TUSC3: variants seen among roughly 807,000 people sequenced by gnomAD.
The protein encoded by TUSC3 is dolichyl-diphosphooligosaccharide--protein glycosyltransferase subunit TUSC3.
Under a neutral mutation model 44.8 loss-of-function variants are expected in TUSC3, and 45 were observed. The observed-to-expected ratio is 1.00, with a 90% confidence interval of 0.79 to 1.29. The LOEUF (loss-of-function observed/expected upper bound fraction) is 1.29. Ranked by LOEUF, TUSC3 falls within the 50% of genes most tolerant of loss-of-function variation. The pLI is 0.00. For synonymous variants in TUSC3, 212 were observed against 152.9 expected, an observed-to-expected ratio of 1.39 and a Z score of -2.85; for missense variants, 519 against 437.9, an observed-to-expected ratio of 1.19 and a Z score of -1.65.
chr8:15,548,286 G>C lies in TUSC3; in HGVS notation c.138+7718G>C, dbSNP rs527746789. On this transcript the variant is annotated intron_variant, in intron 1 of 10. Coordinates refer to ENST00000503731, the MANE Select transcript of TUSC3 (RefSeq NM_006765.4). ...AGTAGATTGGTTTGGTTTAAGTATT[G>C]AGAGAAGCTGGGACACTTGCCAGCC... Among the ~76,000 whole-genome samples the C allele has an allele frequency of 2.0e-5, 3 of 151,962 alleles. No homozygotes were observed. In the South Asian group the frequency reaches 6.3e-4, roughly 32 times the overall value.
In TUSC3 at chr8:15,644,530, C is replaced by G. The variant is rs557008326; in HGVS notation, c.309-6167C>G. Among the ~76,000 whole-genome samples the G allele has an allele frequency of 2.6e-5, 4 of 152,178 alleles. No individual in the cohort carries two copies. In the South Asian group the frequency reaches 8.3e-4, roughly 32 times the overall value. On this transcript the variant is annotated intron_variant, in intron 2 of 10. Transcript: ENST00000503731. Reference sequence around the variant, plus strand: ...GTAATGTCTCATTTTGCTCATCAGTCCAAGCTGACAGAAACATATTCAAGG... The same window carrying G: ...GTAATGTCTCATTTTGCTCATCAGTGCAAGCTGACAGAAACATATTCAAGG...
At chr8:15,629,272 A>G (rs1585170473) in intron 2 of TUSC3, among the ~76,000 whole-genome samples, 1 of 152,064 alleles carries the variant, frequency 6.6e-6, no homozygotes, top group African/African-American at 2.4e-5. Context: ...ATATTATAGG[A>G]TGATATGAAT....
At chr8:15,580,559 T>C in intron 1 of TUSC3, among the ~76,000 whole-genome samples, 1 of 95,280 alleles carries the variant, frequency 1.0e-5, no homozygotes, top group Admixed American at 1.1e-4. Context: ...AAGTATTTTA[T>C]TTCTCCTTCA....
At chr8:15,492,239 G>A (rs551265712) in intron 2 of TUSC3, among the ~76,000 whole-genome samples, 18 of 152,264 alleles carry the variant, frequency 1.2e-4, no homozygotes, top group Non-Finnish European at 2.4e-4. Flanking sequence ...TATGAAGAGC[G>A]ATGGGAGTTA....
intron 1 of TUSC3, among the ~76,000 whole-genome samples, chr8:15,446,886 A>G (rs574991372): frequency 7.9e-6 from 1 of 127,254 alleles, no homozygotes; most frequent in South Asian, 2.8e-4. Flanking sequence ...AACAAAAAGG[A>G]TGAGTAGGTA....
chr8:15,622,918 G>A (rs1251274585), intron 1 of TUSC3, among the ~76,000 whole-genome samples, 162 bp from the exon 2 acceptor site: 1 of 151,918 alleles, frequency 6.6e-6, no homozygotes, highest in Non-Finnish European at 1.5e-5. Flanking sequence ...AAAAATATAT[G>A]TCCTTTCTAT....
rs185409626 is a variant in TUSC3 at position 15,654,916 on chromosome 8, T to C, written c.426+4102T>C. Among the ~76,000 whole-genome samples, 18 of 152,332 alleles carry C rather than the reference T, an allele frequency of 1.2e-4. No homozygotes were observed. In the South Asian group the frequency reaches 1.7e-3, roughly 14 times the overall value. On this transcript the variant is annotated intron_variant, in intron 3 of 10. Transcript: ENST00000503731. ...AAAACCTGAGTTCATCTTCCATCTTTACTTCTTCATTGCTGTGTGACCTTT... is the reference window on the plus strand; with the variant it reads ...AAAACCTGAGTTCATCTTCCATCTTCACTTCTTCATTGCTGTGTGACCTTT...
At chr8:15,655,283 G>T (rs911799942) in intron 3 of TUSC3, among the ~76,000 whole-genome samples, 33 of 152,248 alleles carry the variant, frequency 2.2e-4, no homozygotes, top group Non-Finnish European at 4.6e-4. Context: ...TCAAGCATGC[G>T]CACCAAGAGA....
chr8:15,694,251 T>G (rs1344544197), intron 6 of TUSC3, among the ~76,000 whole-genome samples: 1 of 151,962 alleles, frequency 6.6e-6, no homozygotes, highest in Non-Finnish European at 1.5e-5. Flanking sequence ...CATACCAGCC[T>G]AGCCAACATG....
intron 9 of TUSC3, among the ~76,000 whole-genome samples, chr8:15,752,346 A>C (rs567644391): frequency 1.7e-4 from 26 of 152,110 alleles, no homozygotes; most frequent in Admixed American, 7.2e-4. Context: ...CAGCCTTAAT[A>C]TGTACTACTC....
the TUSC3 span, among the ~76,000 whole-genome samples, chr8:15,824,567 A>G: frequency 6.7e-6 from 1 of 149,950 alleles, no homozygotes; most frequent in Non-Finnish European, 1.5e-5. Context: ...ATGAGAACAC[A>G]TGGACACAGG....
rs1222211512 is a variant in TUSC3 at position 15,558,916 on chromosome 8, G to C, written c.138+18348G>C. Among the ~76,000 whole-genome samples, 6 of 151,478 alleles carry C rather than the reference G, an allele frequency of 4.0e-5. No homozygotes were observed. In the East Asian group the frequency reaches 9.8e-4, roughly 25 times the overall value. Reference sequence around the variant, plus strand: ...CTCTTTTTCTTTATTAGTCTTGCTAGCGGTCTATCAATCTTGTTGGTCCTT... The same window carrying C: ...CTCTTTTTCTTTATTAGTCTTGCTACCGGTCTATCAATCTTGTTGGTCCTT... On this transcript the variant is annotated intron_variant, in intron 1 of 10. Transcript: ENST00000503731.
chr8:15,681,429 A>G (rs547212140), intron 6 of TUSC3, among the ~76,000 whole-genome samples: 1 of 151,890 alleles, frequency 6.6e-6, no homozygotes, highest in African/African-American at 2.4e-5. Context: ...GAATTCATCC[A>G]TTTACTCTAG....
intron 10 of TUSC3, among the ~76,000 whole-genome samples, chr8:15,759,192 GACCTTTTTTCCCGTTTGC>G (rs1563209768): frequency 6.6e-6 from 1 of 152,102 alleles, no homozygotes; most frequent in Admixed American, 6.6e-5. Flanking sequence ...GAACAACCCA[GACCTTTTTTCCCGTTTGC>G]ACCTTTTTTG....
chr8:15,469,349 T>A (rs1800454629), intron 1 of TUSC3, among the ~76,000 whole-genome samples: 1 of 152,170 alleles, frequency 6.6e-6, no homozygotes, highest in Admixed American at 6.5e-5. Context: ...GGGCCGAAGA[T>A]CTGAATGGAC....
In TUSC3 at chr8:15,549,764, T is replaced by A. The variant is rs1801992166; in HGVS notation, c.138+9196T>A. On this transcript the variant is annotated intron_variant, in intron 1 of 10. Coordinates refer to ENST00000503731, the MANE Select transcript of TUSC3 (RefSeq NM_006765.4). Reference sequence around the variant, plus strand: ...GTGGTTGTGCTGTTTTTTGCCATTGTTTCCTGTACATTTTTCCTCTTGAAG... The same window carrying A: ...GTGGTTGTGCTGTTTTTTGCCATTGATTCCTGTACATTTTTCCTCTTGAAG... 2.0e-5 allele frequency among the ~76,000 whole-genome samples: 3 copies of A among 151,586 alleles called. No individual in the cohort carries two copies. In the South Asian group the frequency reaches 6.3e-4, roughly 32 times the overall value.
chr8:15,460,373 T>G lies in TUSC3; in HGVS notation n.92-23013T>G, dbSNP rs1000155158. Among the ~76,000 whole-genome samples the G allele has an allele frequency of 3.9e-5, 6 of 152,136 alleles. No homozygotes were observed. In the South Asian group the frequency reaches 1.2e-3, roughly 31 times the overall value. ...TACCTATTCATGTTATTAGCCCAGT[T>G]TTCTATGGGATTGCTTGTTTTTTTA... On this transcript the variant is annotated intron_variant and non_coding_transcript_variant, in intron 1 of 5. Coordinates refer to the TUSC3 transcript ENST00000503191.
At chr8:15,508,105 G>A (rs543284198) in intron 2 of TUSC3, among the ~76,000 whole-genome samples, 1 of 152,210 alleles carries the variant, frequency 6.6e-6, no homozygotes, top group African/African-American at 2.4e-5. Context: ...GCCAGGTGTG[G>A]TGGTGTGCCT....
chr8:15,851,283 G>A, the TUSC3 span, among the ~76,000 whole-genome samples: 2 of 152,018 alleles, frequency 1.3e-5, no homozygotes, highest in East Asian at 1.9e-4. Flanking sequence ...AGGTGCCAGG[G>A]ATACATCAAT....
Sources: gnomAD v4.1 joint callset for allele counts (sites outside exome capture counted in the v4.1 genomes callset) on GRCh38, gnomAD v4.1.1 for gene constraint, MANE v1.5 for transcripts, NCBI Gene and HGNC (gene_info 2026-07-23, HGNC 2026-07-21) for gene names.